The following DNAI2 variants were observed in gnomAD, a reference collection of about 807,000 sequenced individuals.
The protein encoded by DNAI2 is dynein, axonemal, intermediate polypeptide 2.
In DNAI2, 63 loss-of-function variants were observed where a neutral mutation model predicts 74.7. That is an observed-to-expected ratio of 0.84 (90% CI 0.69 to 1.04). The LOEUF (loss-of-function observed/expected upper bound fraction) is 1.04. Ranked by LOEUF, DNAI2 falls within the 50% of genes least tolerant of loss-of-function variation. DNAI2 has a pLI of 0.00. For synonymous variants in DNAI2, 289 were observed against 314.9 expected (o/e 0.92, Z 0.87); for missense variants, 688 against 803.2 (o/e 0.86, Z 1.73).
intron 2 of DNAI2, among the ~76,000 whole-genome samples, chr17:74,284,603 G>A (rs1452084638): frequency 2.0e-5 from 3 of 152,038 alleles, no homozygotes; most frequent in East Asian, 3.9e-4. Flanking sequence ...TAGTAGAGAC[G>A]GGGTTTCACC....
intron 11 of DNAI2, among the ~76,000 whole-genome samples, chr17:74,310,714 T>C (rs990770843): frequency 6.6e-6 from 1 of 151,384 alleles, no homozygotes; most frequent in East Asian, 2.0e-4. Context: ...AATTTTTGTA[T>C]TTTTAATAGA....
rs763026333 is a variant in DNAI2, at chr17:74,287,078, T to C, written c.447T>C (p.Ala149=). ...AAGTGATGGAGGAGGACCCTTCAGC[T>C]AAAACCATCAATGTGTTCAGGTAGC... The part of the protein sequence containing the change: ...AMEVMEEDPS[A]KTINVFRDPQ... The change falls in exon 4 of 14, where the codon GCT becomes GCC. Residue 149 remains alanine, a synonymous_variant. Coordinates refer to ENST00000311014, the MANE Select transcript of DNAI2 (RefSeq NM_023036.6). 4.3e-6 allele frequency: 7 copies of C among 1,613,886 alleles called. No individual in the cohort carries two copies. In the South Asian group the frequency reaches 5.5e-5, roughly 13 times the overall value.
At chr17:74,313,619 G>A (rs1198750824) in intron 12 of DNAI2, among the ~76,000 whole-genome samples, 1 of 152,164 alleles carries the variant, frequency 6.6e-6, no homozygotes, top group African/African-American at 2.4e-5. Context: ...AAGAAGTTGA[G>A]CCTTGGAAGG....
intron 1 of DNAI2, among the ~76,000 whole-genome samples, chr17:74,280,811 G>A (rs2051344829): frequency 6.6e-6 from 1 of 152,068 alleles, no homozygotes; most frequent in East Asian, 1.9e-4. Flanking sequence ...ATTGTACCAC[G>A]TGCGATGGCT....
At position 74,285,047 on chromosome 17, in the gene DNAI2, C is replaced by T. The variant is rs772460661; in HGVS notation, c.191C>T (p.Ser64Leu). The T allele has an allele frequency of 1.2e-6, 2 of 1,614,206 alleles. No individual in the cohort carries two copies. The highest frequency in any genetic ancestry group is 2.2e-5 in the East Asian group (1 of 44,886). The change falls in exon 3 of 14, where the codon TCA becomes TTA. Residue 64 changes from serine to leucine, a missense_variant. By Grantham distance (145) the Ser-to-Leu change is moderately radical. Transcript: ENST00000311014. ...SISMSEHEAN[S>L]ERFEMETRGV... is the part of the protein sequence containing the mutation. ...CTGCGGCTCTCTGTTTAGGCCAACT[C>T]AGAGCGGTTTGAGATGGAGACCCGG...
chr17:74,285,956 C>T (rs1415395515), intron 3 of DNAI2, among the ~76,000 whole-genome samples: 26 of 68,304 alleles, frequency 3.8e-4, no homozygotes, highest in African/African-American at 8.2e-4. Flanking sequence ...TACACACACA[C>T]ACATATATAT....
At position 74,289,582 on chromosome 17, in the gene DNAI2, T is replaced by C. The variant is rs753113481; in HGVS notation, c.468-12T>C. On this transcript the variant is annotated splice_polypyrimidine_tract_variant and intron_variant, in intron 4 of 13. Transcript: ENST00000311014. The stretch of plus-strand genomic sequence containing the variant: ...ACATCCAGCCTTCTGCTCTCTTCCC[T>C]CTCCCCTGCAGGGACCCCCAGGAAA... 7.8e-5 allele frequency: 125 copies of C among 1,610,694 alleles called. No individual in the cohort carries two copies. Among genetic ancestry groups the C allele is most frequent in the Non-Finnish European group, 1.0e-4 (122 of 1,179,170 alleles).
At chr17:74,285,311 G>A in intron 3 of DNAI2, 110 bp downstream of exon 3, 2 of 1,404,298 alleles carry the variant, frequency 1.4e-6, no homozygotes, top group African/African-American at 2.8e-5. Flanking sequence ...TCGTGTGAAT[G>A]CTGGGGGGAA....
intron 11 of DNAI2, among the ~76,000 whole-genome samples, chr17:74,311,100 C>T (rs1380777481): frequency 6.6e-6 from 1 of 151,812 alleles, no homozygotes; most frequent in Non-Finnish European, 1.5e-5. Context: ...TCTGAAACTC[C>T]AGGGCTCAAG....
At chr17:74,284,337 T>C (rs1029673447) in intron 2 of DNAI2, among the ~76,000 whole-genome samples, 5 of 152,168 alleles carry the variant, frequency 3.3e-5, no homozygotes, top group Admixed American at 1.3e-4. Flanking sequence ...GTTCAATTTT[T>C]GTGACACTGA....
chr17:74,296,385 GA>G (rs2052447043), intron 6 of DNAI2, among the ~76,000 whole-genome samples: 1 of 146,306 alleles, frequency 6.8e-6, no homozygotes, highest in Non-Finnish European at 1.5e-5. Context: ...GGGAGGGAGA[GA>G]GAGAGAGAGA....
chr17:74,284,995 G>A, intron 2 of DNAI2, 45 bp from the exon 3 acceptor site: 1 of 1,613,326 alleles, frequency 6.2e-7, no homozygotes, highest in Non-Finnish European at 8.5e-7. Context: ...GAGGGTTTGG[G>A]AGTATACCAG....
At chr17:74,279,182 A>G (rs752834029) in intron 1 of DNAI2, among the ~76,000 whole-genome samples, 4 of 152,172 alleles carry the variant, frequency 2.6e-5, no homozygotes, top group Non-Finnish European at 5.9e-5. Context: ...AAATAAATAA[A>G]TAAAAATAAC....
intron 1 of DNAI2, 126 bp from the exon 2 acceptor site, chr17:74,281,681 C>A: frequency 1.2e-6 from 1 of 858,666 alleles, no homozygotes; most frequent in Non-Finnish European, 1.8e-6. Context: ...TTCCTAGGAT[C>A]TCCCCACCAC....
intron 3 of DNAI2, among the ~76,000 whole-genome samples, chr17:74,285,506 C>T (rs555888989): frequency 6.6e-6 from 1 of 151,790 alleles, no homozygotes; most frequent in East Asian, 1.9e-4. Context: ...ATTCATTTGA[C>T]AAATTTGGAC....
rs896930282 is a variant in DNAI2 at position 74,289,547 on chromosome 17, G to A, written c.468-47G>A. 4 of 1,599,428 alleles carry A rather than the reference G, an allele frequency of 2.5e-6. No homozygotes were observed. The South Asian group carries it at 4.5e-5, about 18-fold the overall frequency. ...AAAAAAAAAAAAAGGGGGAGAAATTGGGGAACCTCACATCCAGCCTTCTGC... is the reference window on the plus strand; with the variant it reads ...AAAAAAAAAAAAAGGGGGAGAAATTAGGGAACCTCACATCCAGCCTTCTGC... On this transcript the variant is annotated intron_variant, in intron 4 of 13. Transcript: ENST00000311014.
chr17:74,308,454 C>T (rs1447503653), intron 9 of DNAI2, among the ~76,000 whole-genome samples: 1 of 152,222 alleles, frequency 6.6e-6, no homozygotes, highest in African/African-American at 2.4e-5. Context: ...GCAACACGTG[C>T]CTGCTGCCTG....
chr17:74,286,890 C>T (rs2051779772), intron 3 of DNAI2, 87 bp from the exon 4 acceptor site: 9 of 1,581,170 alleles, frequency 5.7e-6, no homozygotes, highest in Non-Finnish European at 6.9e-6. Context: ...CTGGCTATGT[C>T]CTGTCCCTCC....
intron 9 of DNAI2, chr17:74,307,175 AG>A (rs2053236713): frequency 2.2e-6 from 1 of 451,826 alleles, no homozygotes; most frequent in South Asian, 1.6e-5. Context: ...AGCCCTTTAC[AG>A]GCTTTAGGAG....
Sources: allele counts gnomAD v4.1 joint callset (sites outside exome capture counted in the v4.1 genomes callset), GRCh38; gene constraint gnomAD v4.1.1; transcripts MANE v1.5; gene names NCBI Gene and HGNC (gene_info 2026-07-23, HGNC 2026-07-21).